The following BORCS5 variants were observed in gnomAD, a reference collection of about 807,000 sequenced individuals.
BORCS5 encodes the protein BLOC-1 related complex subunit 5.
Under a neutral mutation model 22.1 loss-of-function variants are expected in BORCS5, and 17 were observed. That is an observed-to-expected ratio of 0.77 (90% CI 0.53 to 1.15). The LOEUF (loss-of-function observed/expected upper bound fraction) is 1.15. Among genes scored for constraint, BORCS5 ranks in the 50% most tolerant of loss-of-function variants. BORCS5 has a pLI of 0.00. For missense variants in BORCS5, 247 were observed against 253.2 expected (o/e 0.98, Z 0.17); for synonymous variants, 117 against 99.8 (o/e 1.17, Z -1.03).
At chr12:12,401,613 T>G (rs1276298823) in intron 2 of BORCS5, among the ~76,000 whole-genome samples, 1 of 152,184 alleles carries the variant, frequency 6.6e-6, no homozygotes, top group Non-Finnish European at 1.5e-5. Flanking sequence ...TACCTAGACA[T>G]AGCCATTGTT....
intron 2 of BORCS5, among the ~76,000 whole-genome samples, chr12:12,391,613 CCTGACCT>C (rs1941186812): frequency 6.6e-6 from 1 of 150,756 alleles, no homozygotes; most frequent in Non-Finnish European, 1.5e-5. Context: ...GTCTCGAACT[CCTGACCT>C]CAAATGATGC....
In BORCS5 at chr12:12,357,097, C is replaced by T. The variant is rs1465341064; in HGVS notation, c.-355C>T. ...CCGCCCATCTGCGTCCCGGAAGGAG[C>T]GAGCTTGCGGAGCGTGAACCAGTGA... is the stretch of plus-strand genomic sequence containing the variant. On this transcript the variant is annotated 5_prime_UTR_variant, in exon 1 of 4. Coordinates refer to ENST00000314565, the MANE Select transcript of BORCS5 (RefSeq NM_058169.6). The T allele has an allele frequency of 1.3e-6, 2 of 1,534,216 alleles. No homozygotes were observed. The highest frequency in any genetic ancestry group is 2.7e-5 in the African/African-American group (2 of 73,018).
rs775379045 is a variant in BORCS5, at chr12:12,357,080, C to T, written c.-372C>T. On this transcript the variant is annotated 5_prime_UTR_variant, in exon 1 of 4. Coordinates refer to ENST00000314565, the MANE Select transcript of BORCS5 (RefSeq NM_058169.6). ...GTCTTGCGTAGCCGGCACCGCCCAT[C>T]TGCGTCCCGGAAGGAGCGAGCTTGC... 1.3e-6 allele frequency: 2 copies of T among 1,533,466 alleles called. No individual in the cohort carries two copies. Among genetic ancestry groups the T allele is most frequent in the South Asian group, 1.2e-5 (1 of 83,924 alleles). 95.0% of individuals were successfully genotyped at this position (1,533,466 alleles called of 1,614,324 possible). A position where few individuals can be genotyped will look rare whatever the true frequency, so the allele number is the denominator to read the frequency against.
At chr12:12,414,710 G>T (rs1171901591) in intron 2 of BORCS5, among the ~76,000 whole-genome samples, 3 of 129,936 alleles carry the variant, frequency 2.3e-5, no homozygotes, top group Non-Finnish European at 3.3e-5. Context: ...CCTCCCTCCC[G>T]GATGGGGTGG....
At chr12:12,406,300 G>A (rs7295080) in intron 2 of BORCS5, among the ~76,000 whole-genome samples, 93,015 of 152,152 alleles carry the variant, frequency 0.61, 29,501 homozygotes, top group African/African-American at 0.76. Flanking sequence ...AGTAGACTTC[G>A]TGTGTGGAAA....
chr12:12,423,423 A>T (rs1343247315), intron 2 of BORCS5, among the ~76,000 whole-genome samples: 1 of 145,138 alleles, frequency 6.9e-6, no homozygotes, highest in Non-Finnish European at 1.5e-5. Context: ...GTCTAGTATT[A>T]AGAAACTCCC....
At chr12:12,366,224 C>G (rs528158164) in intron 2 of BORCS5, among the ~76,000 whole-genome samples, 5 of 152,288 alleles carry the variant, frequency 3.3e-5, no homozygotes, top group Non-Finnish European at 5.9e-5. Flanking sequence ...ACAGTTTATT[C>G]TTTCAAAACA....
intron 3 of BORCS5, among the ~76,000 whole-genome samples, chr12:12,436,647 G>A (rs1029276987): frequency 6.6e-6 from 1 of 152,170 alleles, no homozygotes; most frequent in African/African-American, 2.4e-5. Flanking sequence ...GAGAGAAGAT[G>A]GACATGGAGA....
At chr12:12,360,121 T>C (rs1378804672) in intron 1 of BORCS5, among the ~76,000 whole-genome samples, 2 of 152,152 alleles carry the variant, frequency 1.3e-5, no homozygotes, top group Non-Finnish European at 2.9e-5. Context: ...TCTAGCACTT[T>C]GGGAGGCCGA....
Position 12,414,653 on chromosome 12 carries a change from A to T in BORCS5, c.203-20975A>T, listed in dbSNP as rs1236685671. ...GGGCGGCCGGGCAGAGGAGCCCCTCACCTCCCGGACGGGGCGGCTGGCCGG... is the reference window on the plus strand; with the variant it reads ...GGGCGGCCGGGCAGAGGAGCCCCTCTCCTCCCGGACGGGGCGGCTGGCCGG... On this transcript the variant is annotated intron_variant, in intron 2 of 3. Transcript: ENST00000314565. Among the ~76,000 whole-genome samples, 2 of 69,414 alleles carry T rather than the reference A, an allele frequency of 2.9e-5. 1 individual carries two copies. Among genetic ancestry groups the T allele is most frequent in the African/African-American group, 1.5e-4 (2 of 13,636 alleles). The allele number at this position is 69,414 out of a possible 152,430, so 45.5% of individuals were successfully genotyped here.
At chr12:12,428,453 G>A (rs4763826) in intron 2 of BORCS5, among the ~76,000 whole-genome samples, 88,059 of 152,016 alleles carry the variant, frequency 0.58, 25,964 homozygotes, top group African/African-American at 0.64. Flanking sequence ...TTTAAACAGG[G>A]TCTTAGGAAA....
At chr12:12,412,076 C>A (rs1941749602) in intron 2 of BORCS5, among the ~76,000 whole-genome samples, 1 of 152,090 alleles carries the variant, frequency 6.6e-6, no homozygotes, top group South Asian at 2.1e-4. Context: ...CTTTGTTCTT[C>A]TTTTCAGGAT....
chr12:12,433,806 T>G (rs10845541), intron 2 of BORCS5, among the ~76,000 whole-genome samples: 1 of 151,974 alleles, frequency 6.6e-6, no homozygotes, highest in Non-Finnish European at 1.5e-5. Context: ...CAGCCCTGTA[T>G]GCTGCTCTGT....
intron 2 of BORCS5, among the ~76,000 whole-genome samples, chr12:12,372,862 A>G (rs949932226): frequency 2.6e-5 from 4 of 152,180 alleles, no homozygotes; most frequent in Non-Finnish European, 5.9e-5. Context: ...TACCCTGTGC[A>G]GATCTCAAGG....
In BORCS5 at chr12:12,428,544, C is replaced by T. The variant is rs747567910; in HGVS notation, c.203-7084C>T. ...ATCAGGTTTTTAACTCAGTAAACAT[C>T]TTTGGGTGCATCCCCGTATTAAACT... On this transcript the variant is annotated intron_variant, in intron 2 of 3. Transcript: ENST00000314565. Among the ~76,000 whole-genome samples, 239 of 147,118 alleles carry T rather than the reference C, an allele frequency of 1.6e-3. 2 individuals are homozygous for T. The highest frequency in any genetic ancestry group is 2.9e-3 in the Non-Finnish European group (196 of 66,862).
Position 12,444,187 on chromosome 12 carries a change from C to A in BORCS5, c.360+8402C>A, listed in dbSNP as rs60402543. On this transcript the variant is annotated intron_variant, in intron 3 of 3. Coordinates refer to ENST00000314565, the MANE Select transcript of BORCS5 (RefSeq NM_058169.6). ...CTCATCCTAGGGACTGATAAGTTTT[C>A]TCATTCTATCAGAGAAAATAAAGGT... Among the ~76,000 whole-genome samples, 332 of 152,296 alleles carry A rather than the reference C, an allele frequency of 2.2e-3. 3 individuals are homozygous for A. Among genetic ancestry groups the A allele is most frequent in the African/African-American group, 6.9e-3 (288 of 41,548 alleles).
chr12:12,420,122 T>A (rs1021623188), intron 2 of BORCS5, among the ~76,000 whole-genome samples: 1 of 149,520 alleles, frequency 6.7e-6, no homozygotes, highest in Non-Finnish European at 1.5e-5. Flanking sequence ...TCCTTGCCCA[T>A]GCCTATGTCC....
intron 3 of BORCS5, among the ~76,000 whole-genome samples, chr12:12,442,545 T>C (rs185433269): frequency 6.6e-6 from 1 of 152,288 alleles, no homozygotes; most frequent in East Asian, 1.9e-4. Flanking sequence ...TAAGAAAAAC[T>C]TGCAATCCTT....
At chr12:12,418,465 C>A (rs1323926295) in intron 2 of BORCS5, among the ~76,000 whole-genome samples, 1 of 152,146 alleles carries the variant, frequency 6.6e-6, no homozygotes, top group Non-Finnish European at 1.5e-5. Flanking sequence ...ACAGGAGGAT[C>A]ACTTGAGGCA....
Sources: gnomAD v4.1 joint callset for allele counts (sites outside exome capture counted in the v4.1 genomes callset) on GRCh38, gnomAD v4.1.1 for gene constraint, MANE v1.5 for transcripts, NCBI Gene and HGNC (gene_info 2026-07-23, HGNC 2026-07-21) for gene names.